The following CABLES1 variants were observed in gnomAD, a reference collection of about 807,000 sequenced individuals.
CABLES1 encodes Cdk5 and Abl enzyme substrate 1.
Under a neutral mutation model 57.8 loss-of-function variants are expected in CABLES1, and 36 were observed. The observed-to-expected ratio is 0.62, with a 90% CI of 0.48 to 0.82. The LOEUF is 0.82. Ranked by LOEUF, CABLES1 falls within the 40% of genes least tolerant of loss-of-function variation. CABLES1 has a pLI of 0.00. For missense variants in CABLES1, 767 were observed against 836.6 expected (o/e 0.92, Z 1.03); for synonymous variants, 374 against 363.0 (o/e 1.03, Z -0.35).
At chr18:23,227,945 G>T (rs1294651811) in intron 4 of CABLES1, among the ~76,000 whole-genome samples, 1 of 152,146 alleles carries the variant, frequency 6.6e-6, no homozygotes, top group Non-Finnish European at 1.5e-5. Context: ...GGAGCTCCTG[G>T]CAGGTGTTCC....
At chr18:23,164,992 C>T (rs187511638) in intron 1 of CABLES1, among the ~76,000 whole-genome samples, 7 of 152,168 alleles carry the variant, frequency 4.6e-5, no homozygotes, top group Middle Eastern at 6.8e-3. Context: ...AGGCTGGTCT[C>T]GAACTCCTGA....
chr18:23,171,117 A>T (rs1465199746), intron 1 of CABLES1, among the ~76,000 whole-genome samples: 1 of 152,134 alleles, frequency 6.6e-6, no homozygotes. Context: ...TTAGAGATTA[A>T]GTTATTGGGG....
intron 1 of CABLES1, among the ~76,000 whole-genome samples, chr18:23,154,309 A>G (rs2046951956): frequency 6.6e-6 from 1 of 152,198 alleles, no homozygotes; most frequent in South Asian, 2.1e-4. Flanking sequence ...GGCAAGTCAA[A>G]TTAAGGCTGA....
At chr18:23,171,861 G>A (rs1010740389) in intron 1 of CABLES1, among the ~76,000 whole-genome samples, 3 of 152,198 alleles carry the variant, frequency 2.0e-5, no homozygotes, top group African/African-American at 7.2e-5. Context: ...GCCTGTGAGT[G>A]TTGACCAAAG....
At chr18:23,212,961 G>GT (rs2145051861) in intron 3 of CABLES1, among the ~76,000 whole-genome samples, 1 of 152,290 alleles carries the variant, frequency 6.6e-6, no homozygotes, top group Non-Finnish European at 1.5e-5. Flanking sequence ...TGGGGGTGCT[G>GT]TAAGTACTTC....
intron 1 of CABLES1, among the ~76,000 whole-genome samples, chr18:23,158,895 CCCTTCCTTTCCTTCTGCTA>C (rs1428153069): frequency 6.6e-6 from 1 of 152,192 alleles, no homozygotes. Flanking sequence ...CTGCCCATTT[CCCTTCCTTTCCTTCTGCTA>C]CCTAGCATCT....
rs191909432 is a variant in CABLES1, at chr18:23,220,053, C to G, written c.1088+5999C>G. Among the ~76,000 whole-genome samples, 302 of 152,148 alleles carry G rather than the reference C, an allele frequency of 2.0e-3. 3 individuals carry two copies. The highest frequency in any genetic ancestry group is 7.1e-3 in the African/African-American group (295 of 41,498). On this transcript the variant is annotated intron_variant, in intron 4 of 9. Coordinates refer to ENST00000256925, the MANE Select transcript of CABLES1 (RefSeq NM_001100619.3). Reference sequence around the variant, plus strand: ...AAATGTTTGGGGTCGTTTTGCATGCCACCAGGTTTAGACCAAGCTGATAAG... The same window carrying G: ...AAATGTTTGGGGTCGTTTTGCATGCGACCAGGTTTAGACCAAGCTGATAAG...
intron 6 of CABLES1, among the ~76,000 whole-genome samples, chr18:23,236,486 G>A (rs1353055558): frequency 3.9e-5 from 6 of 152,140 alleles, no homozygotes; most frequent in Admixed American, 2.6e-4. Flanking sequence ...TGAGTTGGCG[G>A]CTGAAGGAAG....
At chr18:23,177,742 CCT>C (rs2047135204) in intron 1 of CABLES1, among the ~76,000 whole-genome samples, 1 of 152,146 alleles carries the variant, frequency 6.6e-6, no homozygotes, top group African/African-American at 2.4e-5. Context: ...CTGCCTGCTC[CCT>C]CTGTTAGAGG....
At chr18:23,146,975 GAGTC>G (rs1171924837) in intron 1 of CABLES1, among the ~76,000 whole-genome samples, 1 of 152,198 alleles carries the variant, frequency 6.6e-6, no homozygotes, top group Non-Finnish European at 1.5e-5. Flanking sequence ...CTATGGGCTG[GAGTC>G]AGTCAAGGTC....
Position 23,258,820 on chromosome 18 carries a change from C to G in CABLES1, c.*1453C>G, listed in dbSNP as rs2048228988. ...ACCGAGGGTCTGCAGCTTTCGTTAG[C>G]AGAGCTGTCAGATTCTTGACAGTCT... On this transcript the variant is annotated 3_prime_UTR_variant, in exon 10 of 10. Transcript: ENST00000256925. 1 of 152,166 alleles carries G rather than the reference C, an allele frequency of 6.6e-6. No homozygotes were observed. Among genetic ancestry groups the G allele is most frequent in the South Asian group, 2.1e-4 (1 of 4,824 alleles). The allele number at this position is 152,166 out of a possible 1,614,324, so 9.4% of individuals were successfully genotyped here.
chr18:23,174,633 G>A (rs544152034), intron 1 of CABLES1, among the ~76,000 whole-genome samples: 2,172 of 151,274 alleles, frequency 0.014, 23 homozygotes, highest in Non-Finnish European at 0.021. Flanking sequence ...CACCACACCC[G>A]GCTAATTTTT....
intron 2 of CABLES1, among the ~76,000 whole-genome samples, chr18:23,193,194 C>CTTTTTTTT: frequency 7.0e-6 from 1 of 142,308 alleles, no homozygotes; most frequent in African/African-American, 2.6e-5. Context: ...AAGAATCTTT[C>CTTTTTTTT]TTTTTTTTTT....
At chr18:23,161,825 G>A (rs1303689775) in intron 1 of CABLES1, among the ~76,000 whole-genome samples, 2 of 151,344 alleles carry the variant, frequency 1.3e-5, no homozygotes, top group South Asian at 2.1e-4. Context: ...AGGAGGCTGC[G>A]GCAAGAGAAT....
chr18:23,160,707 C>T (rs1272683146), intron 1 of CABLES1, among the ~76,000 whole-genome samples: 1 of 152,104 alleles, frequency 6.6e-6, no homozygotes, highest in Non-Finnish European at 1.5e-5. Flanking sequence ...TAAAAACTGG[C>T]CTACAGACTG....
intron 1 of CABLES1, among the ~76,000 whole-genome samples, chr18:23,148,150 CG>C (rs1283803723): frequency 6.6e-6 from 1 of 151,952 alleles, no homozygotes; most frequent in Non-Finnish European, 1.5e-5. Flanking sequence ...CCACCATGCC[CG>C]GCTAATTTTT....
chr18:23,206,717 CA>C (rs1209625315), intron 3 of CABLES1, among the ~76,000 whole-genome samples: 1 of 152,110 alleles, frequency 6.6e-6, no homozygotes, highest in Admixed American at 6.6e-5. Context: ...CAATTTTTTT[CA>C]ATGACTTGCC....
At chr18:23,151,496 T>C (rs1466527304) in intron 1 of CABLES1, among the ~76,000 whole-genome samples, 3 of 151,774 alleles carry the variant, frequency 2.0e-5, no homozygotes, top group Admixed American at 6.6e-5. Context: ...GTCTTGGAGG[T>C]AGAGCTGATA....
At chr18:23,158,620 A>G (rs2046981445) in intron 1 of CABLES1, among the ~76,000 whole-genome samples, 2 of 152,190 alleles carry the variant, frequency 1.3e-5, no homozygotes, top group African/African-American at 4.8e-5. Flanking sequence ...AGCTTTATTT[A>G]TCCAGTTTAA....
Sources: gnomAD v4.1 joint callset for allele counts (sites outside exome capture counted in the v4.1 genomes callset) on GRCh38, gnomAD v4.1.1 for gene constraint, MANE v1.5 for transcripts, NCBI Gene and HGNC (gene_info 2026-07-23, HGNC 2026-07-21) for gene names.